Variants in DCC observed in about 807,000 individuals in gnomAD.
DCC encodes netrin receptor DCC.
Under a neutral mutation model 172.5 loss-of-function variants are expected in DCC, and 58 were observed. The ratio of observed to expected loss-of-function variants is 0.34; its 90% CI spans 0.27 to 0.42. The LOEUF (loss-of-function observed/expected upper bound fraction) is 0.42. DCC is among the 10% of genes least tolerant of loss of function. DCC has a pLI of 1.00. For synonymous variants in DCC, 709 were observed against 644.5 expected (o/e 1.10, Z -1.52); for missense variants, 1,740 against 1,791.0 (o/e 0.97, Z 0.51).
At chr18:52,685,971 T>A (rs913199967) in intron 1 of DCC, among the ~76,000 whole-genome samples, 4 of 152,160 alleles carry the variant, frequency 2.6e-5, no homozygotes, top group African/African-American at 9.6e-5. Context: ...AACTGGATGT[T>A]CCTGTATCAA....
intron 1 of DCC, among the ~76,000 whole-genome samples, chr18:52,734,098 G>T (rs577068367): frequency 6.6e-6 from 1 of 151,914 alleles, no homozygotes; most frequent in African/African-American, 2.4e-5. Flanking sequence ...TATATCTTAG[G>T]TTGCCTAGAA....
At chr18:53,213,750 TTG>T (rs55977964) in intron 11 of DCC, among the ~76,000 whole-genome samples, 48,444 of 151,042 alleles carry the variant, frequency 0.32, 9,106 homozygotes, top group Non-Finnish European at 0.44. Context: ...TTTTGGAAGT[TTG>T]TGAAATTATA....
intron 7 of DCC, among the ~76,000 whole-genome samples, chr18:53,139,034 T>C (rs1038445285): frequency 1.9e-4 from 29 of 152,190 alleles, no homozygotes; most frequent in African/African-American, 6.5e-4. Context: ...TCTGCCCTTG[T>C]ATTTGTGACC....
chr18:53,316,963 GC>G, intron 13 of DCC, among the ~76,000 whole-genome samples: 1 of 152,278 alleles, frequency 6.6e-6, no homozygotes, highest in South Asian at 2.1e-4. Flanking sequence ...GATTGCCCTG[GC>G]CAGAATTTCC....
At chr18:53,249,981 G>A (rs986863777) in intron 12 of DCC, among the ~76,000 whole-genome samples, 1 of 151,962 alleles carries the variant, frequency 6.6e-6, no homozygotes, top group African/African-American at 2.4e-5. Context: ...ATTGGATTTT[G>A]GATAGGAGTG....
chr18:53,343,580 C>T (rs1046842453), intron 15 of DCC, among the ~76,000 whole-genome samples: 1 of 151,606 alleles, frequency 6.6e-6, no homozygotes, highest in Non-Finnish European at 1.5e-5. Flanking sequence ...TTTTTTGTGC[C>T]TATATTCAGT....
intron 5 of DCC, chr18:52,965,199 A>G (rs999348910): frequency 1.2e-4 from 19 of 152,218 alleles, no homozygotes; most frequent in African/African-American, 4.6e-4. Context: ...TCAGGCTATC[A>G]TAAAGGTAAT....
chr18:52,847,817 G>A (rs2038918649), intron 2 of DCC, among the ~76,000 whole-genome samples: 1 of 152,156 alleles, frequency 6.6e-6, no homozygotes, highest in African/African-American at 2.4e-5. Context: ...CTAGTTGAAT[G>A]GTATAACTTA....
intron 2 of DCC, among the ~76,000 whole-genome samples, chr18:52,854,835 C>CGTTG (rs1271636064): frequency 2.6e-5 from 4 of 152,178 alleles, no homozygotes; most frequent in Non-Finnish European, 5.9e-5. Flanking sequence ...GACCCATTAA[C>CGTTG]ATTGGGCATG....
At chr18:53,419,230 A>G (rs897089706) in intron 21 of DCC, among the ~76,000 whole-genome samples, 1 of 152,182 alleles carries the variant, frequency 6.6e-6, no homozygotes, top group African/African-American at 2.4e-5. Flanking sequence ...ATACAGTGTG[A>G]AATAAGCACA....
At chr18:52,574,439 C>A (rs898899601) in intron 1 of DCC, among the ~76,000 whole-genome samples, 9 of 152,168 alleles carry the variant, frequency 5.9e-5, no homozygotes, top group Admixed American at 4.6e-4. Context: ...CAGCAACACC[C>A]ATTTTCCTTA....
chr18:52,936,153 G>A (rs1243295611), intron 5 of DCC, among the ~76,000 whole-genome samples: 5 of 152,088 alleles, frequency 3.3e-5, no homozygotes, highest in African/African-American at 4.8e-5. Flanking sequence ...CACCTATTAG[G>A]TGCTTCTTCC....
chr18:52,971,484 G>A (rs1197069650), intron 5 of DCC, among the ~76,000 whole-genome samples: 1 of 151,670 alleles, frequency 6.6e-6, no homozygotes, highest in African/African-American at 2.4e-5. Context: ...TTGAGATACA[G>A]GGAGAGGTGT....
At chr18:53,397,599 G>C (rs1405602685) in intron 18 of DCC, among the ~76,000 whole-genome samples, 153 bp downstream of exon 18, 3 of 152,076 alleles carry the variant, frequency 2.0e-5, no homozygotes, top group Admixed American at 6.6e-5. Flanking sequence ...TTATATCTAA[G>C]AGTATTCTCC....
At chr18:52,397,098 A>G (rs1986259284) in intron 1 of DCC, among the ~76,000 whole-genome samples, 1 of 152,200 alleles carries the variant, frequency 6.6e-6, no homozygotes, top group Middle Eastern at 3.4e-3. Flanking sequence ...ACAAGGGATT[A>G]TGTATACTAC....
At chr18:53,362,389 G>A (rs1257587408) in intron 15 of DCC, among the ~76,000 whole-genome samples, 1 of 152,144 alleles carries the variant, frequency 6.6e-6, no homozygotes, top group African/African-American at 2.4e-5. Context: ...TTATCTGAAT[G>A]GGAGCCGGAA....
intron 7 of DCC, among the ~76,000 whole-genome samples, chr18:53,110,703 C>T (rs1219500058): frequency 3.6e-5 from 5 of 140,680 alleles, no homozygotes; most frequent in Admixed American, 2.9e-4. Flanking sequence ...AATGAGATAC[C>T]ATCTCACACC....
At chr18:53,018,177 A>G (rs890101870) in intron 5 of DCC, among the ~76,000 whole-genome samples, 3 of 152,270 alleles carry the variant, frequency 2.0e-5, no homozygotes, top group East Asian at 1.9e-4. Flanking sequence ...AATAATAATA[A>G]GAAGTTACAA....
At chr18:53,065,951 G>C in intron 6 of DCC, 95 bp from the exon 7 acceptor site, 1 of 1,447,366 alleles carries the variant, frequency 6.9e-7, no homozygotes, top group South Asian at 1.1e-5. Flanking sequence ...TTTCTTCTGT[G>C]CTGTTTTATC....
Sources: gnomAD v4.1 joint callset for allele counts (sites outside exome capture counted in the v4.1 genomes callset) on GRCh38, gnomAD v4.1.1 for gene constraint, MANE v1.5 for transcripts, NCBI Gene and HGNC (gene_info 2026-07-23, HGNC 2026-07-21) for gene names.